Variants in VAV3 observed in about 807,000 individuals in gnomAD.
VAV3 encodes guanine nucleotide exchange factor VAV3.
Under a neutral mutation model 131.2 loss-of-function variants are expected in VAV3, and 94 were observed. The observed-to-expected ratio is 0.72, with a 90% CI of 0.61 to 0.85. VAV3 has a LOEUF of 0.85. VAV3 is among the 40% of genes least tolerant of loss of function. The pLI, the probability that VAV3 is intolerant of heterozygous loss-of-function variation, is 0.00. For synonymous variants in VAV3, 349 were observed against 342.0 expected, an observed-to-expected ratio of 1.02 and a Z score of -0.22; for missense variants, 939 against 1,002.7, an observed-to-expected ratio of 0.94 and a Z score of 0.86.
At chr1:107,641,425 C>T (rs1329880610) in intron 20 of VAV3, among the ~76,000 whole-genome samples, 2 of 152,112 alleles carry the variant, frequency 1.3e-5, no homozygotes, top group Admixed American at 1.3e-4. Context: ...GATTTTTTAA[C>T]GAATTCTTTC....
intron 17 of VAV3, among the ~76,000 whole-genome samples, chr1:107,700,892 G>A (rs949585951): frequency 4.6e-5 from 7 of 152,136 alleles, no homozygotes; most frequent in Admixed American, 4.6e-4. Flanking sequence ...TTCCACAATG[G>A]ATGAACTAAT....
intron 25 of VAV3, among the ~76,000 whole-genome samples, chr1:107,579,274 T>C (rs747376137): frequency 2.6e-5 from 4 of 152,238 alleles, no homozygotes; most frequent in Non-Finnish European, 4.4e-5. Context: ...ATGCAGGAGA[T>C]TCTTCGATAT....
intron 2 of VAV3, among the ~76,000 whole-genome samples, chr1:107,804,881 C>G (rs1336882745): frequency 6.8e-6 from 1 of 148,050 alleles, no homozygotes; most frequent in African/African-American, 2.5e-5. Context: ...GTCTGTCTGG[C>G]AAAGATTATC....
chr1:107,617,506 C>G (rs1275408443), intron 21 of VAV3, 61 bp downstream of exon 21: 75 of 1,481,446 alleles, frequency 5.1e-5, no homozygotes, highest in Non-Finnish European at 6.9e-5. Context: ...GATTTTTGCA[C>G]AATTAATCAC....
chr1:107,718,250 AAAGAGGAAAT>A (rs1661244699), intron 15 of VAV3, among the ~76,000 whole-genome samples: 1 of 152,160 alleles, frequency 6.6e-6, no homozygotes, highest in Admixed American at 6.5e-5. Flanking sequence ...TCAATTAGGA[AAAGAGGAAAT>A]CAGTTTGTCC....
chr1:107,636,674 A>T (rs1368991219), intron 20 of VAV3, among the ~76,000 whole-genome samples: 1 of 152,314 alleles, frequency 6.6e-6, no homozygotes, highest in African/African-American at 2.4e-5. Flanking sequence ...GAATGGTTGC[A>T]TGGGCCCTCC....
chr1:107,838,653 C>T (rs534239840), intron 2 of VAV3, among the ~76,000 whole-genome samples: 12 of 152,070 alleles, frequency 7.9e-5, no homozygotes, highest in Non-Finnish European at 1.5e-4. Context: ...CACATGCATC[C>T]GTACATTCAT....
At chr1:107,682,371 T>C (rs528146344) in intron 19 of VAV3, among the ~76,000 whole-genome samples, 46 of 152,292 alleles carry the variant, frequency 3.0e-4, no homozygotes, top group African/African-American at 1.0e-3. Flanking sequence ...AATATTATGT[T>C]CACAGTCATA....
Position 107,874,859 on chromosome 1 carries a change from C to A in VAV3, c.321+42G>T, listed in dbSNP as rs371252725. The A allele has an allele frequency of 1.9e-6, 3 of 1,547,288 alleles. No homozygotes were observed. In the East Asian group the frequency reaches 6.8e-5, roughly 35 times the overall value. ...AGATTTGAAACAATTTGCTTAAATG[C>A]TTTCCAGTTAAAAAGTAGTGTTAAA... On this transcript the variant is annotated intron_variant, in intron 2 of 26. Coordinates refer to ENST00000370056, the MANE Select transcript of VAV3 (RefSeq NM_006113.5).
chr1:107,853,805 C>G (rs902577398), intron 2 of VAV3, among the ~76,000 whole-genome samples: 2 of 152,084 alleles, frequency 1.3e-5, no homozygotes, highest in African/African-American at 2.4e-5. Flanking sequence ...CTTAAGTAAA[C>G]CAAGAAACAG....
chr1:107,645,113 G>C (rs1179607302), intron 19 of VAV3, among the ~76,000 whole-genome samples: 1 of 151,846 alleles, frequency 6.6e-6, no homozygotes, highest in Non-Finnish European at 1.5e-5. Flanking sequence ...TCACCTAGTA[G>C]CACACTACTA....
At chr1:107,749,636 A>T (rs1663582719) in intron 13 of VAV3, 42 bp from the exon 14 acceptor site, 2 of 1,584,412 alleles carry the variant, frequency 1.3e-6, no homozygotes, top group Non-Finnish European at 1.7e-6. Context: ...AATGGTTTAG[A>T]AACATGGGTT....
At chr1:107,882,880 T>G (rs1478369530) in intron 1 of VAV3, among the ~76,000 whole-genome samples, 3 of 152,108 alleles carry the variant, frequency 2.0e-5, no homozygotes, top group African/African-American at 7.2e-5. Flanking sequence ...AAGCTTCAAA[T>G]TATTTTCATA....
At chr1:107,718,910 A>G (rs1432370382) in intron 15 of VAV3, among the ~76,000 whole-genome samples, 1 of 152,242 alleles carries the variant, frequency 6.6e-6, no homozygotes, top group Non-Finnish European at 1.5e-5. Context: ...CCACACATCT[A>G]CAAACATCTG....
chr1:107,660,930 T>G (rs1656965338), intron 19 of VAV3, among the ~76,000 whole-genome samples: 1 of 152,108 alleles, frequency 6.6e-6, no homozygotes, highest in South Asian at 2.1e-4. Flanking sequence ...AGGCACAATG[T>G]TCAAACATAT....
intron 1 of VAV3, among the ~76,000 whole-genome samples, chr1:107,946,137 G>A (rs1674251968): frequency 6.6e-6 from 1 of 152,098 alleles, no homozygotes; most frequent in Non-Finnish European, 1.5e-5. Flanking sequence ...CAATGTAGAT[G>A]GGATAATGGA....
Position 107,875,434 on chromosome 1 carries a change from G to A in VAV3, c.205-417C>T, listed in dbSNP as rs77824687. ...GTCTCACAGAGAAGAGGATGGTGGA[G>A]CAGAGATCTGAGGTGCAAAAGGAGC... On this transcript the variant is annotated intron_variant, in intron 1 of 26. Coordinates refer to ENST00000370056, the MANE Select transcript of VAV3 (RefSeq NM_006113.5). 2.6e-5 allele frequency among the ~76,000 whole-genome samples: 4 copies of A among 152,256 alleles called. No homozygotes were observed. In the East Asian group the frequency reaches 7.7e-4, roughly 29 times the overall value.
chr1:107,960,777 C>A (rs1005922985), intron 1 of VAV3, among the ~76,000 whole-genome samples: 1 of 152,140 alleles, frequency 6.6e-6, no homozygotes, highest in Non-Finnish European at 1.5e-5. Flanking sequence ...TCCTGTGTTC[C>A]TTCACTCGCT....
At chr1:107,891,665 C>T (rs536950274) in intron 1 of VAV3, among the ~76,000 whole-genome samples, 3 of 151,822 alleles carry the variant, frequency 2.0e-5, no homozygotes, top group African/African-American at 7.3e-5. Flanking sequence ...ATGGTGAAAC[C>T]CCGTCTCTAC....
Sources: gnomAD v4.1 joint callset for allele counts (sites outside exome capture counted in the v4.1 genomes callset) on GRCh38, gnomAD v4.1.1 for gene constraint, MANE v1.5 for transcripts, NCBI Gene and HGNC (gene_info 2026-07-23, HGNC 2026-07-21) for gene names.